PBX1: variants seen among roughly 807,000 people sequenced by gnomAD.
The protein encoded by PBX1 is pre-B-cell leukemia transcription factor 1.
PBX1 carries 6 observed loss-of-function variants against 53.4 expected under a neutral mutation model. The ratio of observed to expected loss-of-function variants is 0.11; its 90% confidence interval spans 0.06 to 0.22. The LOEUF is 0.22. Among genes scored for constraint, PBX1 ranks in the 10% least tolerant of loss-of-function variants. The probability of loss-of-function intolerance (pLI) is 1.00; values close to 1 mark genes in which losing one functional copy is unlikely to be tolerated. For synonymous variants in PBX1, 204 were observed against 212.3 expected (o/e 0.96, Z 0.34); for missense variants, 251 against 551.4 (o/e 0.46, Z 5.46).
chr1:164,793,190 C>T (rs1223614728), intron 3 of PBX1, among the ~76,000 whole-genome samples: 4 of 152,140 alleles, frequency 2.6e-5, no homozygotes, highest in African/African-American at 9.7e-5. Context: ...TCTGGGTGCT[C>T]ATAGTATCCT....
At chr1:164,799,540 T>G (rs1231999765) in intron 3 of PBX1, among the ~76,000 whole-genome samples, 159 bp from the exon 4 acceptor site, 1 of 152,050 alleles carries the variant, frequency 6.6e-6, no homozygotes, top group East Asian at 1.9e-4. Flanking sequence ...CGCCAAAACT[T>G]TGAGCCACAG....
intron 2 of PBX1, among the ~76,000 whole-genome samples, chr1:164,718,873 C>T (rs1039614748): frequency 2.2e-4 from 33 of 152,270 alleles, no homozygotes; most frequent in African/African-American, 7.9e-4. Context: ...GCAAGTAAGG[C>T]ATAATTTTGG....
At chr1:164,801,005 T>C (rs982973299) in intron 4 of PBX1, among the ~76,000 whole-genome samples, 2 of 152,318 alleles carry the variant, frequency 1.3e-5, no homozygotes, top group East Asian at 1.9e-4. Flanking sequence ...TTCACAATTA[T>C]GGTCTTTACA....
At chr1:164,650,923 A>T (rs1659766753) in intron 2 of PBX1, among the ~76,000 whole-genome samples, 2 of 149,902 alleles carry the variant, frequency 1.3e-5, no homozygotes, top group Non-Finnish European at 3.0e-5. Context: ...AGTACCAGGG[A>T]GGGATGGTGG....
intron 2 of PBX1, among the ~76,000 whole-genome samples, chr1:164,777,955 C>A (rs1667750303): frequency 6.6e-6 from 1 of 152,184 alleles, no homozygotes; most frequent in Admixed American, 6.5e-5. Context: ...ATTATATATA[C>A]CTTTGACAAC....
intron 2 of PBX1, among the ~76,000 whole-genome samples, chr1:164,679,476 T>A (rs897512792): frequency 6.6e-6 from 1 of 152,098 alleles, no homozygotes; most frequent in Non-Finnish European, 1.5e-5. Context: ...AAACAGGTGA[T>A]GGGACACAGT....
At chr1:164,656,259 G>A (rs1660156262) in intron 2 of PBX1, among the ~76,000 whole-genome samples, 1 of 151,976 alleles carries the variant, frequency 6.6e-6, no homozygotes, top group African/African-American at 2.4e-5. Context: ...ATTAAATATG[G>A]GTAACAGCAA....
intron 2 of PBX1, among the ~76,000 whole-genome samples, chr1:164,643,804 A>G (rs1282688070): frequency 1.3e-5 from 2 of 152,230 alleles, no homozygotes; most frequent in Non-Finnish European, 2.9e-5. Flanking sequence ...AAAATTATGT[A>G]ACCAGTAAGT....
chr1:164,771,078 T>C (rs1427375372), intron 2 of PBX1: 2 of 152,188 alleles, frequency 1.3e-5, no homozygotes, highest in African/African-American at 4.8e-5. Context: ...AGATATGGAA[T>C]ACTTCCTGCC....
intron 2 of PBX1, among the ~76,000 whole-genome samples, chr1:164,737,117 C>A (rs193120716): frequency 8.5e-5 from 13 of 152,276 alleles, no homozygotes; most frequent in Admixed American, 4.6e-4. Flanking sequence ...TTTTAGCAGT[C>A]CTGAGAAGTC....
intron 3 of PBX1, among the ~76,000 whole-genome samples, chr1:164,793,872 C>CTTTTTTTTTTTT (rs72414989): frequency 1.7e-4 from 13 of 78,210 alleles, no homozygotes; most frequent in Non-Finnish European, 2.2e-4. Context: ...TTTTTCCTTT[C>CTTTTTTTTTTTT]TTTTTTTTTT....
intron 2 of PBX1, among the ~76,000 whole-genome samples, chr1:164,571,598 A>T (rs1393732666): frequency 1.4e-5 from 1 of 71,358 alleles, no homozygotes; most frequent in Non-Finnish European, 2.3e-5. Context: ...CAGTTGCTAC[A>T]GTAACTTAAG....
At chr1:164,623,152 T>G (rs1293121195) in intron 2 of PBX1, among the ~76,000 whole-genome samples, 1 of 152,124 alleles carries the variant, frequency 6.6e-6, no homozygotes, top group Admixed American at 6.5e-5. Flanking sequence ...CCTTCTCTCT[T>G]CTCTAGATGT....
chr1:164,698,870 A>G (rs1452103407), intron 2 of PBX1, among the ~76,000 whole-genome samples: 1 of 152,208 alleles, frequency 6.6e-6, no homozygotes, highest in African/African-American at 2.4e-5. Flanking sequence ...AGGTACCACA[A>G]CTGCCTCCAT....
chr1:164,848,062 G>T lies in PBX1; in HGVS notation c.*1386G>T. On this transcript the variant is annotated 3_prime_UTR_variant, in exon 9 of 9. Coordinates refer to ENST00000420696, the MANE Select transcript of PBX1 (RefSeq NM_002585.4). ...TCCTGACCTATTGCTCTGGAGGAAAGAGTTGTATAAGAACGTGGCTCATGT... is the reference window on the plus strand; with the variant it reads ...TCCTGACCTATTGCTCTGGAGGAAATAGTTGTATAAGAACGTGGCTCATGT... 2 of 1,051,506 alleles carry T rather than the reference G, an allele frequency of 1.9e-6. No homozygotes were observed. The highest frequency in any genetic ancestry group is 1.7e-5 in the African/African-American group (1 of 60,398). 65.1% of individuals were successfully genotyped at this position (1,051,506 alleles called of 1,614,324 possible).
At chr1:164,751,276 C>A (rs1279204902) in intron 2 of PBX1, among the ~76,000 whole-genome samples, 1 of 145,630 alleles carries the variant, frequency 6.9e-6, no homozygotes, top group East Asian at 2.0e-4. Flanking sequence ...GATCACGCCA[C>A]TGCACTCCAG....
intron 2 of PBX1, among the ~76,000 whole-genome samples, chr1:164,587,590 A>G (rs1655036775): frequency 6.6e-6 from 1 of 151,972 alleles, no homozygotes; most frequent in African/African-American, 2.4e-5. Context: ...TTCAAAGTGT[A>G]GAGTTTATTC....
At chr1:164,741,005 G>A (rs1665573401) in intron 2 of PBX1, among the ~76,000 whole-genome samples, 1 of 152,160 alleles carries the variant, frequency 6.6e-6, no homozygotes, top group African/African-American at 2.4e-5. Flanking sequence ...AATAATTTAT[G>A]TCTGTGTGAA....
chr1:164,793,578 C>A (rs1045190798), intron 3 of PBX1, among the ~76,000 whole-genome samples: 2 of 152,164 alleles, frequency 1.3e-5, no homozygotes, highest in Admixed American at 1.3e-4. Context: ...CAGAGCCCCT[C>A]TCTAATAGAG....
Sources: gnomAD v4.1 joint callset for allele counts (sites outside exome capture counted in the v4.1 genomes callset) on GRCh38, gnomAD v4.1.1 for gene constraint, MANE v1.5 for transcripts, NCBI Gene and HGNC (gene_info 2026-07-23, HGNC 2026-07-21) for gene names.